STK32B: variants seen among roughly 807,000 people sequenced by gnomAD.
STK32B encodes the protein serine/threonine kinase 32B, also known as serine/threonine-protein kinase 32B.
A neutral mutation model predicts 52.6 loss-of-function variants in STK32B; 43 were observed. The observed-to-expected ratio is 0.82, with a 90% CI of 0.64 to 1.05. The LOEUF (loss-of-function observed/expected upper bound fraction) is 1.05, where lower values mean the gene tolerates loss of function less well. STK32B is among the 50% of genes least tolerant of loss of function. STK32B has a pLI of 0.00. For synonymous variants in STK32B, 238 were observed against 204.3 expected (o/e 1.17, Z -1.41); for missense variants, 621 against 534.6 (o/e 1.16, Z -1.59).
intron 4 of STK32B, among the ~76,000 whole-genome samples, chr4:5,357,049 A>G (rs1430226035): frequency 6.8e-6 from 1 of 146,350 alleles, no homozygotes; most frequent in African/African-American, 2.6e-5. Context: ...ACATATATAC[A>G]CACACACATA....
intron 1 of STK32B, among the ~76,000 whole-genome samples, chr4:5,080,263 T>A (rs1233007073): frequency 6.6e-6 from 1 of 152,146 alleles, no homozygotes; most frequent in East Asian, 1.9e-4. Flanking sequence ...TCTTCTGCTT[T>A]CCCCGTCACT....
intron 3 of STK32B, among the ~76,000 whole-genome samples, chr4:5,259,870 C>T (rs1445486468): frequency 2.0e-5 from 3 of 152,052 alleles, no homozygotes; most frequent in African/African-American, 7.2e-5. Flanking sequence ...TATAATCCTG[C>T]TCGCAGAGGT....
intron 4 of STK32B, among the ~76,000 whole-genome samples, chr4:5,367,987 T>TA (rs1401054213): frequency 6.6e-6 from 1 of 152,154 alleles, no homozygotes; most frequent in African/African-American, 2.4e-5. Flanking sequence ...CTCTGTCTCT[T>TA]ACCTTGAAAT....
chr4:5,145,550 G>A lies in STK32B; in HGVS notation c.108+5590G>A, dbSNP rs183305708. 2.0e-5 allele frequency among the ~76,000 whole-genome samples: 3 copies of A among 152,254 alleles called. 1 individual carries two copies. The East Asian group carries it at 5.8e-4, about 29-fold the overall frequency. On this transcript the variant is annotated intron_variant, in intron 2 of 11. Coordinates refer to ENST00000282908, the MANE Select transcript of STK32B (RefSeq NM_018401.3). Reference sequence around the variant, plus strand: ...ACTACTCCATCCATTATAGATTAGAGTTGCCTGTTCTAAAATTTAGTATAA... The same window carrying A: ...ACTACTCCATCCATTATAGATTAGAATTGCCTGTTCTAAAATTTAGTATAA...
At chr4:5,244,829 T>C (rs1278729463) in intron 3 of STK32B, among the ~76,000 whole-genome samples, 2 of 152,238 alleles carry the variant, frequency 1.3e-5, no homozygotes, top group Non-Finnish European at 2.9e-5. Flanking sequence ...TTCATTTCAT[T>C]ATGTACCCAG....
chr4:5,378,602 T>G lies in STK32B; in HGVS notation c.435-19605T>G, dbSNP rs1275085690. Among the ~76,000 whole-genome samples the G allele has an allele frequency of 7.2e-6, 1 of 138,084 alleles. No individual in the cohort carries two copies. Among genetic ancestry groups the G allele is most frequent in the Non-Finnish European group, 1.6e-5 (1 of 64,500 alleles). The allele number at this position is 138,084 out of a possible 152,430, so 90.6% of individuals were successfully genotyped here. A position where few individuals can be genotyped will look rare whatever the true frequency, so the allele number is the denominator to read the frequency against. ...GTCTTCTCCACTGGTTTGGAAGCCC[T>G]TTTTTTCTAATTTTTATGGGTACAT... On this transcript the variant is annotated intron_variant, in intron 4 of 11. Coordinates refer to ENST00000282908, the MANE Select transcript of STK32B (RefSeq NM_018401.3). This position sits in a 1 kb window ranked among gnomAD's most constrained non-coding sequence, Gnocchi z 4.4.
intron 1 of STK32B, among the ~76,000 whole-genome samples, chr4:5,136,624 A>AC (rs1441915644): frequency 2.6e-5 from 4 of 152,038 alleles, no homozygotes; most frequent in Non-Finnish European, 5.9e-5. Flanking sequence ...ACCCAAAGAA[A>AC]CCACTCTTCA....
At chr4:5,037,430 T>C in the STK32B span, among the ~76,000 whole-genome samples, 1 of 152,210 alleles carries the variant, frequency 6.6e-6, no homozygotes, top group African/African-American at 2.4e-5. Flanking sequence ...TGAAAGAAAG[T>C]AACTTGTTCA....
chr4:5,204,611 A>G (rs976103984), intron 3 of STK32B, among the ~76,000 whole-genome samples: 1 of 152,084 alleles, frequency 6.6e-6, no homozygotes, highest in Non-Finnish European at 1.5e-5. Context: ...CTGGGACTAC[A>G]GGTGGCTGCC....
intron 6 of STK32B, 124 bp downstream of exon 6, chr4:5,417,058 A>G: frequency 1.2e-6 from 1 of 852,286 alleles, no homozygotes. Context: ...ATGAGGTTCC[A>G]CAGTTCCCAG....
intron 4 of STK32B, among the ~76,000 whole-genome samples, chr4:5,358,161 C>T (rs919889330): frequency 7.2e-5 from 11 of 152,120 alleles, no homozygotes; most frequent in Middle Eastern, 3.2e-3. Flanking sequence ...TGTTCCATCT[C>T]CTAGGTATAA....
At chr4:5,367,118 C>T (rs1278296660) in intron 4 of STK32B, among the ~76,000 whole-genome samples, 7 of 152,042 alleles carry the variant, frequency 4.6e-5, no homozygotes, top group Non-Finnish European at 1.0e-4. Context: ...TCTTTTTCTC[C>T]TGGAAAGAAT....
At chr4:5,304,822 G>A (rs1382917202) in intron 3 of STK32B, among the ~76,000 whole-genome samples, 1 of 152,084 alleles carries the variant, frequency 6.6e-6, no homozygotes, top group Non-Finnish European at 1.5e-5. Context: ...TTGGCTGTGG[G>A]TTTGTCATAG....
chr4:5,409,838 G>A (rs769950225), intron 5 of STK32B, among the ~76,000 whole-genome samples: 2 of 152,014 alleles, frequency 1.3e-5, no homozygotes, highest in African/African-American at 2.4e-5. Flanking sequence ...CCTACCCCAC[G>A]ACCAAGGTAC....
intron 3 of STK32B, among the ~76,000 whole-genome samples, chr4:5,216,037 G>T (rs1282161117): frequency 6.6e-6 from 1 of 152,184 alleles, no homozygotes; most frequent in East Asian, 1.9e-4. Context: ...TTTTGTGGTT[G>T]CAGAGTGAAA....
intron 2 of STK32B, among the ~76,000 whole-genome samples, chr4:5,144,025 C>G (rs1716713157): frequency 6.6e-6 from 1 of 152,174 alleles, no homozygotes; most frequent in South Asian, 2.1e-4. Context: ...GAGTGGTTGC[C>G]AGAGGAGTGA....
chr4:5,467,963 AC>A lies in STK32B; in HGVS notation c.1042-41del, dbSNP rs1383398498. The stretch of plus-strand genomic sequence containing the variant: ...ATGCTCCATTACCGCGCGTCCCCGG[AC>A]CGTGCTTTGTCATTTAGTCACCCCT... On this transcript the variant is annotated intron_variant, in intron 10 of 11. Coordinates refer to ENST00000282908, the MANE Select transcript of STK32B (RefSeq NM_018401.3). This position sits in a 1 kb window ranked among gnomAD's most constrained non-coding sequence, Gnocchi z 5.8. 2.5e-6 allele frequency: 4 copies of A among 1,611,792 alleles called. No homozygotes were observed. In the East Asian group the frequency reaches 6.7e-5, roughly 27 times the overall value.
intron 1 of STK32B, among the ~76,000 whole-genome samples, chr4:5,054,297 C>T (rs942845374): frequency 5.9e-5 from 9 of 152,086 alleles, no homozygotes; most frequent in South Asian, 2.1e-4. Flanking sequence ...AGTGCCCTGA[C>T]GTGGGTGAGC....
At chr4:5,242,039 A>G (rs58732732) in intron 3 of STK32B, among the ~76,000 whole-genome samples, 2 of 151,956 alleles carry the variant, frequency 1.3e-5, no homozygotes, top group African/African-American at 2.4e-5. Flanking sequence ...ATAAACATAC[A>G]TGTGCATGTG....
Sources: gnomAD v4.1 joint callset for allele counts (sites outside exome capture counted in the v4.1 genomes callset) on GRCh38, gnomAD v4.1.1 for gene constraint, Gnocchi (gnomAD v3.1) non-coding constraint, MANE v1.5 for transcripts, NCBI Gene and HGNC (gene_info 2026-07-23, HGNC 2026-07-21) for gene names.